GNAQ: variants seen among roughly 807,000 people sequenced by gnomAD.
The protein encoded by GNAQ is guanine nucleotide-binding protein G(q) subunit alpha.
GNAQ carries 8 observed loss-of-function variants against 43.9 expected under a neutral mutation model. The observed-to-expected ratio is 0.18, with a 90% confidence interval of 0.11 to 0.33. GNAQ has a LOEUF of 0.33. Among genes scored for constraint, GNAQ ranks in the 10% least tolerant of loss-of-function variants. GNAQ has a pLI of 1.00. For synonymous variants in GNAQ, 155 were observed against 170.7 expected, an observed-to-expected ratio of 0.91 and a Z score of 0.71; for missense variants, 158 against 450.8, an observed-to-expected ratio of 0.35 and a Z score of 5.88.
At chr9:77,807,185 A>G (rs1280148693) in intron 3 of GNAQ, among the ~76,000 whole-genome samples, 3 of 152,218 alleles carry the variant, frequency 2.0e-5, no homozygotes, top group African/African-American at 2.4e-5. Context: ...CAGAGTCAGC[A>G]AGGCTTCTTG....
At chr9:77,885,936 T>C (rs964199520) in intron 2 of GNAQ, among the ~76,000 whole-genome samples, 1 of 152,194 alleles carries the variant, frequency 6.6e-6, no homozygotes. Context: ...CAGTGATCTA[T>C]TAAATGCTCT....
At chr9:77,811,792 C>A (rs1182485732) in intron 3 of GNAQ, among the ~76,000 whole-genome samples, 1 of 152,208 alleles carries the variant, frequency 6.6e-6, no homozygotes, top group Non-Finnish European at 1.5e-5. Flanking sequence ...TGCTTGGGCA[C>A]TGATGTATAG....
intron 1 of GNAQ, among the ~76,000 whole-genome samples, chr9:77,975,073 A>G (rs1823281891): frequency 1.3e-5 from 2 of 152,066 alleles, no homozygotes; most frequent in Non-Finnish European, 2.9e-5. Flanking sequence ...TTGTGTCTTT[A>G]CCTAGTTAGC....
chr9:77,740,773 CTTAATA>C (rs1472463505), intron 5 of GNAQ, among the ~76,000 whole-genome samples: 1 of 152,056 alleles, frequency 6.6e-6, no homozygotes, highest in Non-Finnish European at 1.5e-5. Flanking sequence ...TTTTATGAAG[CTTAATA>C]TTAATGATAA....
At chr9:77,876,130 T>TA (rs1828120095) in intron 2 of GNAQ, among the ~76,000 whole-genome samples, 1 of 152,216 alleles carries the variant, frequency 6.6e-6, no homozygotes, top group African/African-American at 2.4e-5. Context: ...CTGATTTTTT[T>TA]AAAAAATAGC....
chr9:77,918,824 C>T (rs1021292403), intron 2 of GNAQ, among the ~76,000 whole-genome samples: 1 of 152,120 alleles, frequency 6.6e-6, no homozygotes, highest in African/African-American at 2.4e-5. Context: ...GCATTTATTC[C>T]CTTATGCATA....
At chr9:77,783,468 T>C (rs995591595) in intron 5 of GNAQ, among the ~76,000 whole-genome samples, 2 of 152,246 alleles carry the variant, frequency 1.3e-5, no homozygotes, top group African/African-American at 4.8e-5. Flanking sequence ...TAATATTTTC[T>C]ACTTCCTTTA....
chr9:77,814,384 A>C (rs1826978495), intron 3 of GNAQ, among the ~76,000 whole-genome samples: 1 of 152,170 alleles, frequency 6.6e-6, no homozygotes, highest in African/African-American at 2.4e-5. Flanking sequence ...TGAAAGGAAG[A>C]ATGAAGAAAG....
In GNAQ at chr9:77,935,920, A is replaced by G. The variant is rs142103812; in HGVS notation, c.137-13575T>C. 1.6e-3 allele frequency among the ~76,000 whole-genome samples: 250 copies of G among 152,306 alleles called. 1 individual carries two copies. Among genetic ancestry groups the G allele is most frequent in the African/African-American group, 5.8e-3 (242 of 41,576 alleles). Reference sequence around the variant, plus strand: ...ATAAATAAATGCGGGTTTCCTTACTACTAAGTAAATTGCACATGGAAATAT... The same window carrying G: ...ATAAATAAATGCGGGTTTCCTTACTGCTAAGTAAATTGCACATGGAAATAT... On this transcript the variant is annotated intron_variant, in intron 1 of 6. Coordinates refer to ENST00000286548, the MANE Select transcript of GNAQ (RefSeq NM_002072.5).
chr9:77,762,132 G>A (rs1358094810), intron 5 of GNAQ, among the ~76,000 whole-genome samples: 2 of 132,778 alleles, frequency 1.5e-5, no homozygotes, highest in Admixed American at 7.3e-5. Flanking sequence ...TGGGGGGTCA[G>A]CCCCCTGCCC....
At chr9:77,765,169 A>G (rs965737072) in intron 5 of GNAQ, among the ~76,000 whole-genome samples, 1 of 152,174 alleles carries the variant, frequency 6.6e-6, no homozygotes, top group Non-Finnish European at 1.5e-5. Context: ...TTTAAAAAAA[A>G]AATCAGAACT....
intron 2 of GNAQ, among the ~76,000 whole-genome samples, chr9:77,835,619 T>C (rs775686901): frequency 2.0e-5 from 3 of 152,186 alleles, no homozygotes; most frequent in Non-Finnish European, 4.4e-5. Flanking sequence ...GCAGGCACCA[T>C]TCTAAGCAGT....
chr9:77,975,612 T>C (rs1823291162), intron 1 of GNAQ, among the ~76,000 whole-genome samples: 1 of 149,876 alleles, frequency 6.7e-6, no homozygotes. Flanking sequence ...CGATCTCGGT[T>C]CACTGCAACC....
chr9:77,787,752 AG>A (rs775019261), intron 5 of GNAQ, among the ~76,000 whole-genome samples: 4 of 152,216 alleles, frequency 2.6e-5, no homozygotes, highest in Non-Finnish European at 4.4e-5. Context: ...TCTGCTGGCC[AG>A]GCATGGTGGC....
intron 1 of GNAQ, among the ~76,000 whole-genome samples, chr9:77,932,376 G>C (rs1587417311): frequency 6.6e-6 from 1 of 152,148 alleles, no homozygotes; most frequent in East Asian, 1.9e-4. Context: ...GTGAGCAGAT[G>C]ATTTATTGAT....
chr9:77,882,612 C>T (rs1828232856), intron 2 of GNAQ, among the ~76,000 whole-genome samples: 1 of 151,996 alleles, frequency 6.6e-6, no homozygotes, highest in African/African-American at 2.4e-5. Flanking sequence ...GAGAAGATGG[C>T]CAAATGACAT....
intron 2 of GNAQ, among the ~76,000 whole-genome samples, chr9:77,916,544 G>T (rs1364110450): frequency 1.3e-5 from 2 of 152,128 alleles, no homozygotes; most frequent in Non-Finnish European, 2.9e-5. Context: ...TGTTTAACGA[G>T]GTACTTTCCT....
intron 2 of GNAQ, among the ~76,000 whole-genome samples, chr9:77,831,039 G>C (rs1358735005): frequency 6.6e-6 from 1 of 152,166 alleles, no homozygotes; most frequent in Non-Finnish European, 1.5e-5. Context: ...AAAACCCTTT[G>C]CATAATTGGT....
chr9:77,884,560 A>T (rs1828270993), intron 2 of GNAQ, among the ~76,000 whole-genome samples: 1 of 152,236 alleles, frequency 6.6e-6, no homozygotes, highest in Admixed American at 6.5e-5. Context: ...CTAGCTGCAA[A>T]GCCAGAGATG....
Sources: allele counts gnomAD v4.1 joint callset (sites outside exome capture counted in the v4.1 genomes callset), GRCh38; gene constraint gnomAD v4.1.1; transcripts MANE v1.5; gene names NCBI Gene and HGNC (gene_info 2026-07-23, HGNC 2026-07-21).